Variants in DOCK7 observed in about 807,000 individuals in gnomAD.
DOCK7 encodes dedicator of cytokinesis 7.
In DOCK7, 138 loss-of-function variants were observed where a neutral mutation model predicts 271.0. The observed-to-expected ratio is 0.51, with a 90% CI of 0.44 to 0.59. The LOEUF (loss-of-function observed/expected upper bound fraction) is 0.59, where lower values mean the gene tolerates loss of function less well. Among genes scored for constraint, DOCK7 ranks in the 20% least tolerant of loss-of-function variants. DOCK7 has a pLI of 0.00. For missense variants in DOCK7, 2,066 were observed against 2,592.4 expected (o/e 0.80, Z 4.41); for synonymous variants, 823 against 876.1 (o/e 0.94, Z 1.07).
At chr1:62,559,594 A>ATGATT (rs1355540139) in intron 19 of DOCK7, among the ~76,000 whole-genome samples, 2 of 152,086 alleles carry the variant, frequency 1.3e-5, no homozygotes, top group Non-Finnish European at 2.9e-5. Flanking sequence ...GCCATACCTT[A>ATGATT]TGATACTGGC....
intron 18 of DOCK7, among the ~76,000 whole-genome samples, chr1:62,568,804 C>G (rs1358034388): frequency 6.7e-6 from 1 of 150,296 alleles, no homozygotes; most frequent in Non-Finnish European, 1.5e-5. Context: ...GATCCAGAAG[C>G]TGTTTTTTTT....
At chr1:62,586,448 GAA>G (rs1392587174) in intron 15 of DOCK7, 57 bp downstream of exon 15, 28 of 1,321,718 alleles carry the variant, frequency 2.1e-5, no homozygotes, top group Non-Finnish European at 1.0e-6. Context: ...CAAAGAGAAA[GAA>G]AAAAGTCTAT....
intron 2 of DOCK7, among the ~76,000 whole-genome samples, chr1:62,657,204 G>A (rs140892086): frequency 1.3e-5 from 2 of 152,140 alleles, no homozygotes; most frequent in African/African-American, 4.8e-5. Context: ...GGTGTCAGTG[G>A]TGGCCATGTG....
At chr1:62,676,587 G>A (rs1242462470) in intron 1 of DOCK7, among the ~76,000 whole-genome samples, 3 of 152,140 alleles carry the variant, frequency 2.0e-5, no homozygotes, top group African/African-American at 7.2e-5. Flanking sequence ...GCTCTGCAAA[G>A]ATAAGTGGAA....
chr1:62,606,468 T>C lies in DOCK7; in HGVS notation c.1682+12238A>G, dbSNP rs149201807. Reference sequence around the variant, plus strand: ...GCTCTTTATGGTTCACACGACTGTCTCCTGTCCTAACTACTTTGCTTAAAG... The same window carrying C: ...GCTCTTTATGGTTCACACGACTGTCCCCTGTCCTAACTACTTTGCTTAAAG... On this transcript the variant is annotated intron_variant, in intron 14 of 49. Coordinates refer to ENST00000635253, the MANE Select transcript of DOCK7 (RefSeq NM_001367561.1). Among the ~76,000 whole-genome samples, 8 of 152,262 alleles carry C rather than the reference T, an allele frequency of 5.3e-5. No homozygotes were observed. In the East Asian group the frequency reaches 1.5e-3, roughly 29 times the overall value.
intron 7 of DOCK7, among the ~76,000 whole-genome samples, chr1:62,639,250 A>G (rs767629336): frequency 3.4e-4 from 51 of 152,222 alleles, no homozygotes; most frequent in Non-Finnish European, 5.1e-4. Context: ...ACAAAAGCAA[A>G]TCAAAGTGAA....
chr1:62,624,579 G>A (rs924704413), intron 12 of DOCK7, among the ~76,000 whole-genome samples: 1 of 152,100 alleles, frequency 6.6e-6, no homozygotes, highest in African/African-American at 2.4e-5. Flanking sequence ...GGTAGTTTAG[G>A]CCAGAAATAC....
chr1:62,558,725 A>G (rs1460772412), intron 20 of DOCK7, among the ~76,000 whole-genome samples: 1 of 152,176 alleles, frequency 6.6e-6, no homozygotes, highest in Non-Finnish European at 1.5e-5. Context: ...AGTGTCAGGT[A>G]CATAGTAAGT....
intron 14 of DOCK7, among the ~76,000 whole-genome samples, chr1:62,606,935 C>T (rs140492680): frequency 1.1e-4 from 16 of 152,230 alleles, no homozygotes; most frequent in African/African-American, 1.4e-4. Context: ...AGGCCAGGCA[C>T]GGTGGCTCAC....
intron 36 of DOCK7, among the ~76,000 whole-genome samples, chr1:62,505,171 T>G (rs1646904425): frequency 6.6e-6 from 1 of 152,194 alleles, no homozygotes. Context: ...TCCTCTAGGA[T>G]GATTAAAATG....
intron 19 of DOCK7, among the ~76,000 whole-genome samples, chr1:62,560,519 C>G (rs1646288785): frequency 6.6e-6 from 1 of 152,118 alleles, no homozygotes; most frequent in Non-Finnish European, 1.5e-5. Context: ...AAAAGTATTT[C>G]TCTCATGTTC....
At chr1:62,546,175 C>A (rs1645700889) in intron 22 of DOCK7, among the ~76,000 whole-genome samples, 1 of 152,094 alleles carries the variant, frequency 6.6e-6, no homozygotes, top group African/African-American at 2.4e-5. Flanking sequence ...GGAAGCTTAA[C>A]AACAACAGTA....
chr1:62,505,037 A>G (rs1646900261), intron 36 of DOCK7, among the ~76,000 whole-genome samples: 1 of 152,204 alleles, frequency 6.6e-6, no homozygotes, highest in Admixed American at 6.5e-5. Context: ...TAATATATCT[A>G]CAAGGGATTG....
At chr1:62,517,623 C>T (rs1044081938) in intron 31 of DOCK7, among the ~76,000 whole-genome samples, 1 of 151,966 alleles carries the variant, frequency 6.6e-6, no homozygotes, top group Non-Finnish European at 1.5e-5. Context: ...AAACCACCTC[C>T]ATTTTAATGA....
At chr1:62,586,257 T>C (rs1183928321) in intron 15 of DOCK7, among the ~76,000 whole-genome samples, 1 of 152,174 alleles carries the variant, frequency 6.6e-6, no homozygotes, top group African/African-American at 2.4e-5. Context: ...TATGTATTCA[T>C]TTTATATCCT....
intron 14 of DOCK7, among the ~76,000 whole-genome samples, chr1:62,616,744 T>C (rs1017811273): frequency 6.6e-6 from 1 of 151,758 alleles, no homozygotes; most frequent in Non-Finnish European, 1.5e-5. Flanking sequence ...AATGTCATCA[T>C]ATCAATATGT....
intron 37 of DOCK7, among the ~76,000 whole-genome samples, chr1:62,501,952 T>C (rs1012407900): frequency 5.3e-5 from 8 of 152,132 alleles, no homozygotes; most frequent in African/African-American, 1.4e-4. Flanking sequence ...TAGCAACTTA[T>C]ATAACTACAA....
chr1:62,472,820 G>C (rs1645868266), intron 48 of DOCK7, among the ~76,000 whole-genome samples: 1 of 152,136 alleles, frequency 6.6e-6, no homozygotes, highest in Admixed American at 6.5e-5. Flanking sequence ...GTACATCTCA[G>C]AGAGAGAGTG....
intron 1 of DOCK7, among the ~76,000 whole-genome samples, chr1:62,670,923 T>C (rs1659919555): frequency 6.6e-6 from 1 of 152,130 alleles, no homozygotes; most frequent in Non-Finnish European, 1.5e-5. Context: ...GCCCACTCTT[T>C]GGGTCCACGC....
Sources: allele counts gnomAD v4.1 joint callset (sites outside exome capture counted in the v4.1 genomes callset), GRCh38; gene constraint gnomAD v4.1.1; transcripts MANE v1.5; gene names NCBI Gene and HGNC (gene_info 2026-07-23, HGNC 2026-07-21).